CDK6: variants seen among roughly 807,000 people sequenced by gnomAD.
CDK6 encodes cyclin-dependent kinase 6.
CDK6 carries 6 observed loss-of-function variants against 37.1 expected under a neutral mutation model. The ratio of observed to expected loss-of-function variants is 0.16; its 90% CI spans 0.09 to 0.32. CDK6 has a LOEUF of 0.32. Among genes scored for constraint, CDK6 ranks in the 10% least tolerant of loss-of-function variants. The probability of loss-of-function intolerance (pLI) is 1.00; values close to 1 mark genes in which losing one functional copy is unlikely to be tolerated. For missense variants in CDK6, 224 were observed against 418.9 expected, an observed-to-expected ratio of 0.53 and a Z score of 4.06; for synonymous variants, 160 against 161.3, an observed-to-expected ratio of 0.99 and a Z score of 0.06.
chr7:92,791,813 G>A (rs1386042457), intron 2 of CDK6, among the ~76,000 whole-genome samples: 1 of 152,074 alleles, frequency 6.6e-6, no homozygotes, highest in East Asian at 1.9e-4. Context: ...AAGGTATGTA[G>A]GTACACAGAA....
intron 4 of CDK6, among the ~76,000 whole-genome samples, chr7:92,714,536 G>A (rs1355162613): frequency 6.6e-6 from 1 of 152,154 alleles, no homozygotes; most frequent in Admixed American, 6.5e-5. Flanking sequence ...AAACGGGCTT[G>A]TTTCCCACAG....
chr7:92,770,865 G>T (rs540175304), intron 3 of CDK6, among the ~76,000 whole-genome samples: 3 of 152,132 alleles, frequency 2.0e-5, no homozygotes, highest in African/African-American at 7.2e-5. Context: ...AGAGGAAAGT[G>T]GGTAGAGGAA....
rs2115785735 is a variant in CDK6 at position 92,774,796 on chromosome 7, C to G, written c.269G>C (p.Arg90Thr). 10 of 1,612,592 alleles carry G rather than the reference C, an allele frequency of 6.2e-6. No individual in the cohort carries two copies. Among genetic ancestry groups the G allele is most frequent in the Non-Finnish European group, 8.5e-6 (10 of 1,179,446 alleles). ...AAACACTAAAGTTAGTTTGGTTTCT[C>G]TGTCTGTTCGTGACACTGTGCACAC... ...FDVCTVSRTD[R>T]ETKLTLVFEH... Residue 90 changes from arginine (R) to threonine (T), a missense_variant, in exon 3 of 8, where the codon AGA becomes ACA. This residue lies in a region of CDK6 where 82 missense variants were observed against 202.1 expected (regional missense o/e 0.41). Transcript: ENST00000424848.
intron 5 of CDK6, among the ~76,000 whole-genome samples, chr7:92,645,781 T>C (rs1418580401): frequency 6.6e-6 from 1 of 152,206 alleles, no homozygotes; most frequent in Non-Finnish European, 1.5e-5. Flanking sequence ...AATTTATGAG[T>C]ATGTTGGATG....
intron 3 of CDK6, among the ~76,000 whole-genome samples, chr7:92,744,564 T>C (rs1799010471): frequency 6.6e-6 from 1 of 152,216 alleles, no homozygotes. Context: ...TGCTTCTTAG[T>C]AGTACTTTAC....
chr7:92,774,590 A>G, intron 3 of CDK6, 106 bp downstream of exon 3: 1 of 997,900 alleles, frequency 1.0e-6, no homozygotes. Context: ...TATATACCGA[A>G]TTCTAAAAGT....
At chr7:92,711,243 A>G (rs1182446479) in intron 4 of CDK6, among the ~76,000 whole-genome samples, 1 of 152,204 alleles carries the variant, frequency 6.6e-6, no homozygotes, top group Non-Finnish European at 1.5e-5. Context: ...TAAAAATATT[A>G]TGTAAATTTA....
At chr7:92,729,513 C>A (rs1051637600) in intron 3 of CDK6, among the ~76,000 whole-genome samples, 5 of 152,160 alleles carry the variant, frequency 3.3e-5, no homozygotes, top group African/African-American at 7.2e-5. Context: ...CAACAGGACA[C>A]CATTGTGGAA....
chr7:92,679,489 C>T (rs1032390716), intron 4 of CDK6, among the ~76,000 whole-genome samples: 3 of 152,156 alleles, frequency 2.0e-5, no homozygotes, highest in Non-Finnish European at 4.4e-5. Context: ...CAAATACAAA[C>T]ATAGATAATG....
intron 4 of CDK6, among the ~76,000 whole-genome samples, chr7:92,709,291 C>G (rs1395171141): frequency 6.6e-6 from 1 of 152,140 alleles, no homozygotes; most frequent in Non-Finnish European, 1.5e-5. Flanking sequence ...CCACATACTT[C>G]TTGCTGCTTT....
rs1479209069 is a variant in CDK6, at chr7:92,620,710, C to T, written c.698+2326G>A. 2.0e-5 allele frequency among the ~76,000 whole-genome samples: 3 copies of T among 152,128 alleles called. No individual in the cohort carries two copies. In the East Asian group the frequency reaches 5.8e-4, roughly 29 times the overall value. ...ACCACTTGACCCCAGGAGTTCAAGA[C>T]CAGCCTGGGCAACATGGTGAAACTC... On this transcript the variant is annotated intron_variant, in intron 6 of 7. Transcript: ENST00000424848.
chr7:92,718,872 G>A (rs1798298488), intron 4 of CDK6, among the ~76,000 whole-genome samples: 1 of 152,024 alleles, frequency 6.6e-6, no homozygotes, highest in African/African-American at 2.4e-5. Flanking sequence ...TCTCCATCTC[G>A]CTTGTAAGCT....
chr7:92,667,457 CAA>C (rs1796983684), intron 5 of CDK6, among the ~76,000 whole-genome samples: 1 of 152,092 alleles, frequency 6.6e-6, no homozygotes, highest in African/African-American at 2.4e-5. Flanking sequence ...CCTGGTTTCC[CAA>C]AGTGTTGGGT....
chr7:92,819,663 A>T (rs1801121256), intron 2 of CDK6, among the ~76,000 whole-genome samples: 1 of 152,126 alleles, frequency 6.6e-6, no homozygotes, highest in South Asian at 2.1e-4. Context: ...AAACAGAGAT[A>T]ATGTGGAGGA....
chr7:92,787,807 A>G (rs1186569429), intron 2 of CDK6, among the ~76,000 whole-genome samples: 1 of 152,142 alleles, frequency 6.6e-6, no homozygotes, highest in African/African-American at 2.4e-5. Context: ...TCTTAAATAA[A>G]CCAAGAAAAA....
chr7:92,659,607 GACACAC>G (rs71722069), intron 5 of CDK6, among the ~76,000 whole-genome samples: 215 of 146,102 alleles, frequency 1.5e-3, no homozygotes, highest in Middle Eastern at 7.3e-3. Flanking sequence ...AAGTAGGCAT[GACACAC>G]ACACACACAC....
At chr7:92,836,124 A>C (rs550365596) in intron 1 of CDK6, among the ~76,000 whole-genome samples, 2 of 151,848 alleles carry the variant, frequency 1.3e-5, no homozygotes, top group South Asian at 4.2e-4. Flanking sequence ...GTCCGAGTAG[A>C]GTTCCAGTTC....
intron 3 of CDK6, among the ~76,000 whole-genome samples, chr7:92,758,558 C>T (rs1017763356): frequency 6.6e-6 from 1 of 152,010 alleles, no homozygotes; most frequent in African/African-American, 2.4e-5. Flanking sequence ...ATTTGAAGTT[C>T]GGTAGCATGA....
At chr7:92,656,747 G>A (rs1325164765) in intron 5 of CDK6, among the ~76,000 whole-genome samples, 1 of 152,158 alleles carries the variant, frequency 6.6e-6, no homozygotes, top group Admixed American at 6.5e-5. Context: ...AGAAAAATGA[G>A]ATGGTAAGTT....
Sources: allele counts gnomAD v4.1 joint callset (sites outside exome capture counted in the v4.1 genomes callset), GRCh38; gene constraint gnomAD v4.1.1; regional missense constraint gnomAD v4.1.1; transcripts MANE v1.5; gene names NCBI Gene and HGNC (gene_info 2026-07-23, HGNC 2026-07-21).